Variants in SRPK2 observed in about 807,000 individuals in gnomAD.
SRPK2 encodes SRSF protein kinase 2.
SRPK2 carries 21 observed loss-of-function variants against 90.8 expected under a neutral mutation model. That is an observed-to-expected ratio of 0.23 (90% confidence interval 0.16 to 0.33). The LOEUF (loss-of-function observed/expected upper bound fraction) is 0.33. Among genes scored for constraint, SRPK2 ranks in the 10% least tolerant of loss-of-function variants. The pLI is 1.00. For missense variants in SRPK2, 620 were observed against 869.0 expected, an observed-to-expected ratio of 0.71 and a Z score of 3.60; for synonymous variants, 288 against 311.1, an observed-to-expected ratio of 0.93 and a Z score of 0.78.
rs895641458 is a variant in SRPK2 at position 105,170,929 on chromosome 7, A to G, written c.230-1664T>C. Among the ~76,000 whole-genome samples, 321 of 81,980 alleles carry G rather than the reference A, an allele frequency of 3.9e-3. 6 individuals are homozygous for G. The highest frequency in any genetic ancestry group is 8.4e-3 in the Admixed American group (54 of 6,434). 53.8% of individuals were successfully genotyped at this position (81,980 alleles called of 152,430 possible). A position where few individuals can be genotyped will look rare whatever the true frequency, so the allele number is the denominator to read the frequency against. ...AAAGAAAGAAAGGAGAAAGAAAAAG[A>G]AAAAGGAAAGAAAGAAAGAAAGAAA... On this transcript the variant is annotated intron_variant, in intron 3 of 15. Transcript: ENST00000393651.
intron 2 of SRPK2, among the ~76,000 whole-genome samples, chr7:105,345,891 C>T (rs1257166593): frequency 6.6e-6 from 1 of 152,230 alleles, no homozygotes; most frequent in African/African-American, 2.4e-5. Flanking sequence ...TGGCCAAGGG[C>T]CAGCTTTCAG....
upstream of SRPK2, chr7:105,389,238 C>G (rs1171075238): frequency 2.4e-6 from 3 of 1,252,344 alleles, no homozygotes; most frequent in Non-Finnish European, 2.1e-6. Context: ...CCTCTCCCCT[C>G]CGCACCCCGG....
intron 7 of SRPK2, 24 bp from the exon 8 acceptor site, chr7:105,146,682 G>A (rs1804669187): frequency 6.2e-7 from 1 of 1,608,880 alleles, no homozygotes. Context: ...AATCAAGAGA[G>A]AAGATAAGCT....
rs61705676 is a variant in SRPK2, at chr7:105,202,983, G to T, written c.229+645C>A. ...CTCTATGTTCTTTTATTATTTTAAT[G>T]TTTTTATTGTACTTTATTTTTTGGA... On this transcript the variant is annotated intron_variant, in intron 3 of 15. Coordinates refer to ENST00000393651, the MANE Select transcript of SRPK2 (RefSeq NM_182692.3). 3.1e-3 allele frequency among the ~76,000 whole-genome samples: 466 copies of T among 152,260 alleles called. 14 individuals carry two copies. The East Asian group carries it at 0.062, about 20-fold the overall frequency.
intron 7 of SRPK2, among the ~76,000 whole-genome samples, chr7:105,156,749 C>T (rs1806555618): frequency 6.6e-6 from 1 of 152,130 alleles, no homozygotes; most frequent in Non-Finnish European, 1.5e-5. Context: ...AGAAATCCTC[C>T]CACCTCAACC....
At chr7:105,271,047 G>A (rs1047313791) in intron 2 of SRPK2, among the ~76,000 whole-genome samples, 7 of 152,100 alleles carry the variant, frequency 4.6e-5, no homozygotes, top group Non-Finnish European at 1.0e-4. Context: ...TTGTAGGTGG[G>A]AACTTAACTT....
chr7:105,269,365 C>T (rs1422814504), intron 2 of SRPK2, among the ~76,000 whole-genome samples: 1 of 152,064 alleles, frequency 6.6e-6, no homozygotes, highest in African/African-American at 2.4e-5. Flanking sequence ...TAAACCAGAA[C>T]CCCGATGTAT....
chr7:105,305,494 A>G (rs1471155303), intron 2 of SRPK2, among the ~76,000 whole-genome samples: 1 of 152,232 alleles, frequency 6.6e-6, no homozygotes, highest in East Asian at 1.9e-4. Flanking sequence ...CAAAAGACCA[A>G]GGAAATTGTA....
At chr7:105,256,309 G>A (rs1803301471) in intron 2 of SRPK2, among the ~76,000 whole-genome samples, 1 of 152,110 alleles carries the variant, frequency 6.6e-6, no homozygotes, top group South Asian at 2.1e-4. Flanking sequence ...GCTGTTTTGA[G>A]TTACTGTTTT....
At position 105,220,441 on chromosome 7, in the gene SRPK2, G is replaced by A. The variant is rs140853083; in HGVS notation, c.72-16656C>T. On this transcript the variant is annotated intron_variant, in intron 2 of 15. Coordinates refer to ENST00000393651, the MANE Select transcript of SRPK2 (RefSeq NM_182692.3). Reference sequence around the variant, plus strand: ...CTCAGGAAGCTGAGGCAGGAGAATCGCTTGAACCTGGGAGGCAGAGGTTGC... The same window carrying A: ...CTCAGGAAGCTGAGGCAGGAGAATCACTTGAACCTGGGAGGCAGAGGTTGC... Among the ~76,000 whole-genome samples the A allele has an allele frequency of 1.9e-3, 288 of 152,184 alleles. 5 individuals carry two copies. The East Asian group carries it at 0.05, about 26-fold the overall frequency.
intron 2 of SRPK2, among the ~76,000 whole-genome samples, chr7:105,291,268 C>T (rs1483557167): frequency 6.6e-6 from 1 of 152,130 alleles, no homozygotes; most frequent in Non-Finnish European, 1.5e-5. Flanking sequence ...TTAAGTAGGG[C>T]AGAAATAAAA....
At chr7:105,322,022 G>A (rs576519299) in intron 2 of SRPK2, among the ~76,000 whole-genome samples, 2 of 152,252 alleles carry the variant, frequency 1.3e-5, no homozygotes, top group South Asian at 4.1e-4. Flanking sequence ...ATCCACAATA[G>A]CCAAAAAGTG....
intron 2 of SRPK2, among the ~76,000 whole-genome samples, chr7:105,319,686 T>G (rs1354398025): frequency 6.6e-6 from 1 of 152,118 alleles, no homozygotes; most frequent in Non-Finnish European, 1.5e-5. Flanking sequence ...AAAACGTAAC[T>G]ATGGGTATGC....
At chr7:105,349,524 A>G (rs1319202042) in intron 2 of SRPK2, among the ~76,000 whole-genome samples, 1 of 145,946 alleles carries the variant, frequency 6.9e-6, no homozygotes, top group Admixed American at 6.8e-5. Flanking sequence ...CTCCATCTCA[A>G]AAAAAAAAAA....
chr7:105,322,674 C>G (rs1222337691), intron 2 of SRPK2, among the ~76,000 whole-genome samples: 2 of 151,484 alleles, frequency 1.3e-5, no homozygotes, highest in Non-Finnish European at 2.9e-5. Context: ...CACAGCATTG[C>G]AAATGTATTA....
chr7:105,266,955 A>G (rs183570774), intron 2 of SRPK2, among the ~76,000 whole-genome samples: 32 of 152,150 alleles, frequency 2.1e-4, no homozygotes, highest in South Asian at 1.2e-3. Context: ...ATGTTTGCAA[A>G]GTGTTGTCTG....
chr7:105,328,441 T>G (rs1813854825), intron 2 of SRPK2, among the ~76,000 whole-genome samples: 1 of 149,752 alleles, frequency 6.7e-6, no homozygotes, highest in African/African-American at 2.5e-5. Context: ...CAGGCGACTG[T>G]AATCCCAGCT....
Position 105,149,315 on chromosome 7 carries a change from G to A in SRPK2, c.622-2657C>T, listed in dbSNP as rs1293794213. 3.3e-5 allele frequency among the ~76,000 whole-genome samples: 5 copies of A among 152,298 alleles called. No individual in the cohort carries two copies. The South Asian group carries it at 1.0e-3, about 32-fold the overall frequency. ...CTTTACTCCACTAAGATGTTTGGGT[G>A]GAGAGAAACATAAATCTGGTGTACG... On this transcript the variant is annotated intron_variant, in intron 7 of 15. Coordinates refer to ENST00000393651, the MANE Select transcript of SRPK2 (RefSeq NM_182692.3).
intron 11 of SRPK2, among the ~76,000 whole-genome samples, chr7:105,138,992 A>G (rs1445414188): frequency 1.3e-5 from 2 of 152,216 alleles, no homozygotes. Context: ...GAATTGCTCA[A>G]TCTATGTGGA....
Sources: allele counts gnomAD v4.1 joint callset (sites outside exome capture counted in the v4.1 genomes callset), GRCh38; gene constraint gnomAD v4.1.1; transcripts MANE v1.5; gene names NCBI Gene and HGNC (gene_info 2026-07-23, HGNC 2026-07-21).